Variants in USP32 observed in about 807,000 individuals in gnomAD.
The protein encoded by USP32 is ubiquitin carboxyl-terminal hydrolase 32.
In USP32, 59 loss-of-function variants were observed where a neutral mutation model predicts 204.8. The observed-to-expected ratio is 0.29, with a 90% CI of 0.23 to 0.36. The LOEUF is 0.36. USP32 is among the 10% of genes least tolerant of loss of function. The pLI is 1.00. For missense variants in USP32, 1,160 were observed against 1,946.4 expected (o/e 0.60, Z 7.60); for synonymous variants, 517 against 678.4 (o/e 0.76, Z 3.70).
rs1461156183 is a variant in USP32, at chr17:60,181,577, T to C, written c.4295A>G (p.Glu1432Gly). The C allele has an allele frequency of 6.2e-7, 1 of 1,613,896 alleles. No individual in the cohort carries two copies. Among genetic ancestry groups the C allele is most frequent in the East Asian group, 2.2e-5 (1 of 44,900 alleles). ...SSKENLDASK[E>G]NGAGQICELA... The stretch of plus-strand genomic sequence containing the variant: ...CTCACATATCTGCCCAGCCCCATTT[T>C]CTTTGCTGGCATCCAAGTTCTCTTT... The change falls in exon 32 of 34, where the codon GAA becomes GGA. Residue 1432 changes from glutamate to glycine, a missense_variant. By Grantham distance (98) the Glu-to-Gly change is moderately conservative. Transcript: ENST00000300896.
chr17:60,406,963 G>C (rs1371857414), intron 1 of USP32, among the ~76,000 whole-genome samples: 1 of 152,124 alleles, frequency 6.6e-6, no homozygotes, highest in Non-Finnish European at 1.5e-5. Flanking sequence ...TAACCCTTCT[G>C]CCATACACAC....
At chr17:60,388,327 G>A (rs2089768929) in intron 1 of USP32, among the ~76,000 whole-genome samples, 1 of 111,848 alleles carries the variant, frequency 8.9e-6, no homozygotes, top group African/African-American at 7.4e-5. Flanking sequence ...CACACACATC[G>A]CCTTATAATC....
chr17:60,204,181 A>C (rs962524919), intron 26 of USP32, among the ~76,000 whole-genome samples: 17 of 152,232 alleles, frequency 1.1e-4, no homozygotes, highest in South Asian at 4.1e-4. Context: ...CTCTAAGAAA[A>C]AAAACAAAAC....
In USP32 at chr17:60,236,206, G is replaced by T. The variant is rs2085720623; in HGVS notation, c.1171C>A (p.Gln391Lys). 6.2e-7 allele frequency: 1 copy of T among 1,613,768 alleles called. No individual in the cohort carries two copies. Among genetic ancestry groups the T allele is most frequent in the Non-Finnish European group, 8.5e-7 (1 of 1,179,870 alleles). Residue 391 changes from glutamine (Q) to lysine (K), a missense_variant, in exon 12 of 34, where the codon CAA becomes AAA. Gln to Lys is a moderately conservative substitution (Grantham distance 53). This residue lies in a region of USP32 where 536 missense variants were observed against 680.9 expected (regional missense o/e 0.79). Transcript: ENST00000300896. Reference sequence around the variant, plus strand: ...ATGATAAACCAGTTGTGTCCTGCTTGCAGACCATACCTGCTCTCTCGTTCT... The same window carrying T: ...ATGATAAACCAGTTGTGTCCTGCTTTCAGACCATACCTGCTCTCTCGTTCT... ...WLERESRYGL[Q>K]AGHNWFIISM...
chr17:60,319,841 A>G (rs370269344), intron 2 of USP32, among the ~76,000 whole-genome samples: 1 of 152,176 alleles, frequency 6.6e-6, no homozygotes, highest in African/African-American at 2.4e-5. Context: ...TTCACGTAGT[A>G]TTTACATTGC....
intron 5 of USP32, among the ~76,000 whole-genome samples, chr17:60,281,402 G>A (rs993685096): frequency 6.6e-6 from 1 of 152,136 alleles, no homozygotes; most frequent in Non-Finnish European, 1.5e-5. Flanking sequence ...GCCAGGCGCG[G>A]TAGCAGGCGC....
At chr17:60,244,032 T>G (rs1041828979) in intron 11 of USP32, among the ~76,000 whole-genome samples, 6 of 131,750 alleles carry the variant, frequency 4.6e-5, no homozygotes, top group Non-Finnish European at 8.0e-5. Context: ...GGATTGTGTT[T>G]TTTTTTTTTT....
intron 12 of USP32, among the ~76,000 whole-genome samples, chr17:60,235,107 T>C (rs553763416): frequency 6.6e-6 from 1 of 152,338 alleles, no homozygotes; most frequent in African/African-American, 2.4e-5. Context: ...GTAAGATCTC[T>C]ATTGTGTTCC....
intron 28 of USP32, among the ~76,000 whole-genome samples, chr17:60,192,374 A>G (rs1330161578): frequency 6.6e-6 from 1 of 152,198 alleles, no homozygotes; most frequent in African/African-American, 2.4e-5. Flanking sequence ...TTTGGTATGG[A>G]CTGTAGTTTA....
chr17:60,335,842 T>C (rs1372151127), intron 2 of USP32, among the ~76,000 whole-genome samples: 1 of 143,372 alleles, frequency 7.0e-6, no homozygotes, highest in Non-Finnish European at 1.5e-5. Flanking sequence ...TTTTGCAACA[T>C]GTATAACCAA....
chr17:60,372,243 T>C (rs1432126764), intron 1 of USP32, among the ~76,000 whole-genome samples: 1 of 152,196 alleles, frequency 6.6e-6, no homozygotes, highest in Middle Eastern at 3.2e-3. Context: ...AAGGAGCTGG[T>C]TGTCATTTAA....
At chr17:60,179,541 T>C in intron 33 of USP32, 113 bp from the exon 34 acceptor site, 1 of 1,367,542 alleles carries the variant, frequency 7.3e-7, no homozygotes, top group Non-Finnish European at 1.0e-6. Flanking sequence ...TTGCTTCCAA[T>C]AAGCTCACTA....
rs531722748 is a variant in USP32, at chr17:60,372,609, G to A, written c.58+19273C>T. ...AATCCCAGCACTTTGGAAGACTGAG[G>A]TGGGAGAATCACTTGAGGCCAGGGG... is the stretch of plus-strand genomic sequence containing the variant. On this transcript the variant is annotated intron_variant, in intron 1 of 33. Coordinates refer to ENST00000300896, the MANE Select transcript of USP32 (RefSeq NM_032582.4). Among the ~76,000 whole-genome samples the A allele has an allele frequency of 2.3e-3, 352 of 151,592 alleles. 2 individuals carry two copies. The highest frequency in any genetic ancestry group is 8.3e-3 in the African/African-American group (344 of 41,330).
intron 2 of USP32, among the ~76,000 whole-genome samples, chr17:60,316,651 G>C (rs934230744): frequency 6.6e-6 from 1 of 152,032 alleles, no homozygotes; most frequent in Non-Finnish European, 1.5e-5. Context: ...AACCAGACTG[G>C]CCAACATGGT....
intron 13 of USP32, among the ~76,000 whole-genome samples, chr17:60,225,186 C>T (rs2085351934): frequency 6.6e-6 from 1 of 152,184 alleles, no homozygotes; most frequent in Admixed American, 6.5e-5. Context: ...CATGTGATGG[C>T]TCATGCCTGT....
At chr17:60,296,864 C>T (rs2087442094) in intron 3 of USP32, among the ~76,000 whole-genome samples, 1 of 152,040 alleles carries the variant, frequency 6.6e-6, no homozygotes, top group Non-Finnish European at 1.5e-5. Flanking sequence ...GAACAGACTC[C>T]CTGTCTTGGC....
intron 12 of USP32, 127 bp downstream of exon 12, chr17:60,236,011 T>G: frequency 1.3e-6 from 1 of 755,646 alleles, no homozygotes; most frequent in East Asian, 2.6e-5. Flanking sequence ...TTCCTTTCCC[T>G]TCGAATCTTT....
intron 5 of USP32, among the ~76,000 whole-genome samples, chr17:60,283,897 A>G (rs2087037369): frequency 6.6e-6 from 1 of 152,240 alleles, no homozygotes; most frequent in Non-Finnish European, 1.5e-5. Context: ...AAGAATGTAC[A>G]TCATCCGAGA....
chr17:60,396,967 G>A (rs1401512075), upstream of USP32, among the ~76,000 whole-genome samples: 3 of 152,128 alleles, frequency 2.0e-5, no homozygotes, highest in African/African-American at 4.8e-5. Context: ...TACCACCAGT[G>A]GCTGCTTTTT....
Sources: gnomAD v4.1 joint callset for allele counts (sites outside exome capture counted in the v4.1 genomes callset) on GRCh38, gnomAD v4.1.1 for gene constraint, gnomAD v4.1.1 regional missense constraint, MANE v1.5 for transcripts, NCBI Gene and HGNC (gene_info 2026-07-23, HGNC 2026-07-21) for gene names.